The following HECTD2 variants were observed in gnomAD, a reference collection of about 807,000 sequenced individuals.
HECTD2 encodes the protein HECT domain E3 ubiquitin protein ligase 2.
Under a neutral mutation model 103.2 loss-of-function variants are expected in HECTD2, and 35 were observed. The observed-to-expected ratio is 0.34, with a 90% CI of 0.26 to 0.45. The LOEUF is 0.45. HECTD2 is among the 20% of genes least tolerant of loss of function. The probability of loss-of-function intolerance (pLI) is 1.00; values close to 1 mark genes in which losing one functional copy is unlikely to be tolerated. For missense variants in HECTD2, 596 were observed against 937.4 expected, an observed-to-expected ratio of 0.64 and a Z score of 4.76; for synonymous variants, 281 against 329.9, an observed-to-expected ratio of 0.85 and a Z score of 1.61.
chr10:91,427,548 T>TG (rs1157921701), intron 2 of HECTD2, among the ~76,000 whole-genome samples: 1 of 152,164 alleles, frequency 6.6e-6, no homozygotes, highest in Non-Finnish European at 1.5e-5. Flanking sequence ...CCATTCTAAC[T>TG]GGTGTGAGAT....
At chr10:91,426,499 G>C (rs964811477) in intron 2 of HECTD2, among the ~76,000 whole-genome samples, 6 of 151,836 alleles carry the variant, frequency 4.0e-5, no homozygotes, top group African/African-American at 1.5e-4. Context: ...TTATAGGTTA[G>C]TATTTTTATT....
chr10:91,460,670 T>C (rs1845309529), intron 3 of HECTD2, 105 bp downstream of exon 3: 1 of 1,148,948 alleles, frequency 8.7e-7, no homozygotes, highest in Non-Finnish European at 1.2e-6. Context: ...CACTATAAGA[T>C]ATTAGCCAAG....
intron 2 of HECTD2, among the ~76,000 whole-genome samples, chr10:91,454,234 A>G (rs1844970222): frequency 6.6e-6 from 1 of 152,190 alleles, no homozygotes; most frequent in Non-Finnish European, 1.5e-5. Context: ...TGGCATTTCA[A>G]GTGCCAGTGG....
At chr10:91,506,321 TA>T (rs1169244124) in intron 20 of HECTD2, among the ~76,000 whole-genome samples, 2 of 151,312 alleles carry the variant, frequency 1.3e-5, no homozygotes, top group Non-Finnish European at 2.9e-5. Flanking sequence ...TTCAATAAAC[TA>T]ATGAATCCAG....
intron 2 of HECTD2, among the ~76,000 whole-genome samples, chr10:91,430,626 T>C (rs892117977): frequency 1.3e-5 from 2 of 152,208 alleles, no homozygotes; most frequent in Admixed American, 6.5e-5. Context: ...CCCTTTACCA[T>C]TATGTAATGG....
chr10:91,410,067 C>A (rs1442993618), upstream of HECTD2, among the ~76,000 whole-genome samples: 1 of 152,112 alleles, frequency 6.6e-6, no homozygotes, highest in African/African-American at 2.4e-5. Context: ...TCATCTCGGG[C>A]GACACTCTGC....
Position 91,432,248 on chromosome 10 carries a change from C to T in HECTD2, c.268+6838C>T, listed in dbSNP as rs1843915935. Among the ~76,000 whole-genome samples the T allele has an allele frequency of 2.6e-5, 4 of 151,844 alleles. No homozygotes were observed. The South Asian group carries it at 8.3e-4, about 32-fold the overall frequency. On this transcript the variant is annotated intron_variant, in intron 2 of 20. Coordinates refer to ENST00000298068, the MANE Select transcript of HECTD2 (RefSeq NM_182765.6). ...CTTGGCAGTTATTATAATTTTCCTCCCTCTTCTCTGGTAGTAGGACCTATG... is the reference window on the plus strand; with the variant it reads ...CTTGGCAGTTATTATAATTTTCCTCTCTCTTCTCTGGTAGTAGGACCTATG...
intron 5 of HECTD2, among the ~76,000 whole-genome samples, chr10:91,474,615 CAGTT>C (rs1845841852): frequency 6.6e-6 from 1 of 151,926 alleles, no homozygotes; most frequent in African/African-American, 2.4e-5. Flanking sequence ...AAGAGTTGAG[CAGTT>C]AGTCAGTGAG....
chr10:91,499,881 T>C (rs1318682935), intron 18 of HECTD2, among the ~76,000 whole-genome samples: 1 of 152,184 alleles, frequency 6.6e-6, no homozygotes, highest in Non-Finnish European at 1.5e-5. Context: ...CCAGCTTGTT[T>C]TAGAGAAACC....
intron 2 of HECTD2, among the ~76,000 whole-genome samples, chr10:91,427,415 G>A (rs967671195): frequency 6.6e-6 from 1 of 152,070 alleles, no homozygotes; most frequent in Non-Finnish European, 1.5e-5. Context: ...AGATCCCTGA[G>A]GAATCGCCAC....
At chr10:91,433,639 C>G (rs1843991914) in intron 2 of HECTD2, among the ~76,000 whole-genome samples, 1 of 151,800 alleles carries the variant, frequency 6.6e-6, no homozygotes, top group Admixed American at 6.6e-5. Flanking sequence ...CAGACAATGC[C>G]ACAATGAATG....
chr10:91,467,665 C>T (rs550911665), intron 5 of HECTD2, among the ~76,000 whole-genome samples: 5 of 151,402 alleles, frequency 3.3e-5, no homozygotes, highest in East Asian at 3.9e-4. Flanking sequence ...ACCTCCCCTC[C>T]GTAGCTTTGC....
In HECTD2 at chr10:91,460,572, T is replaced by C; in HGVS notation, c.407+7T>C. ...AAACTGTGAAAGACTTTCAGTAAGT[T>C]TCAGCTATTATATGTAAATGTATAG... is the stretch of plus-strand genomic sequence containing the variant. On this transcript the variant is annotated splice_region_variant and intron_variant, in intron 3 of 20. Transcript: ENST00000298068. 2 of 1,605,284 alleles carry C rather than the reference T, an allele frequency of 1.2e-6. No individual in the cohort carries two copies. The highest frequency in any genetic ancestry group is 1.7e-6 in the Non-Finnish European group (2 of 1,176,954).
chr10:91,484,954 A>G (rs2133291407), intron 9 of HECTD2, among the ~76,000 whole-genome samples: 1 of 152,124 alleles, frequency 6.6e-6, no homozygotes, highest in African/African-American at 2.4e-5. Context: ...TATTCCCTTT[A>G]ATACTATTAT....
At chr10:91,498,752 A>G (rs1052573236) in intron 16 of HECTD2, 120 bp from the exon 17 acceptor site, 3 of 614,938 alleles carry the variant, frequency 4.9e-6, no homozygotes, top group Non-Finnish European at 8.7e-6. Context: ...TTAGCCTTTT[A>G]TAGTTTATGT....
At chr10:91,490,690 G>T (rs1240281743) in intron 11 of HECTD2, among the ~76,000 whole-genome samples, 2 of 151,510 alleles carry the variant, frequency 1.3e-5, no homozygotes. Flanking sequence ...AGGAGATCGA[G>T]ACCATCCTGG....
intron 2 of HECTD2, among the ~76,000 whole-genome samples, chr10:91,432,755 G>A (rs1164604707): frequency 6.6e-6 from 1 of 151,928 alleles, no homozygotes; most frequent in Non-Finnish European, 1.5e-5. Flanking sequence ...CTCATAGCCA[G>A]CTCAGGCCAT....
chr10:91,435,283 C>T (rs1205552548), intron 2 of HECTD2, among the ~76,000 whole-genome samples: 1 of 151,872 alleles, frequency 6.6e-6, no homozygotes, highest in African/African-American at 2.4e-5. Context: ...CCTCTTGGGA[C>T]ATGTGGCAGA....
At chr10:91,497,588 CA>C (rs1846735447) in intron 15 of HECTD2, among the ~76,000 whole-genome samples, 2 of 150,926 alleles carry the variant, frequency 1.3e-5, no homozygotes, top group Non-Finnish European at 2.9e-5. Flanking sequence ...GGATTACAGG[CA>C]TGAGCCACCG....
Sources: gnomAD v4.1 joint callset for allele counts (sites outside exome capture counted in the v4.1 genomes callset) on GRCh38, gnomAD v4.1.1 for gene constraint, MANE v1.5 for transcripts, NCBI Gene and HGNC (gene_info 2026-07-23, HGNC 2026-07-21) for gene names.